The following ITGBL1 variants were observed in gnomAD, a reference collection of about 807,000 sequenced individuals.
The protein encoded by ITGBL1 is integrin beta-like protein 1.
Under a neutral mutation model 68.5 loss-of-function variants are expected in ITGBL1, and 51 were observed. That is an observed-to-expected ratio of 0.74 (90% CI 0.59 to 0.94). The LOEUF (loss-of-function observed/expected upper bound fraction) is 0.94. ITGBL1 is among the 40% of genes least tolerant of loss of function. The probability of loss-of-function intolerance (pLI) is 0.00; values close to 1 mark genes in which losing one functional copy is unlikely to be tolerated. For missense variants in ITGBL1, 649 were observed against 647.4 expected (o/e 1.00, Z -0.03); for synonymous variants, 209 against 227.3 (o/e 0.92, Z 0.72).
In ITGBL1 at chr13:101,686,759, C is replaced by T. The variant is rs541253780; in HGVS notation, c.1016-5826C>T. Among the ~76,000 whole-genome samples the T allele has an allele frequency of 5.9e-5, 9 of 151,930 alleles. No homozygotes were observed. In the East Asian group the frequency reaches 1.2e-3, roughly 20 times the overall value. ...AGGTGAAGTCTGGAAGGGCTTCAGA[C>T]GAATATTCAAGTGGCAACTATTTTA... On this transcript the variant is annotated intron_variant, in intron 7 of 10. Transcript: ENST00000376180.
Position 101,481,028 on chromosome 13 carries a change from G to GTA in ITGBL1, c.316+26929_316+26930insAT, listed in dbSNP as rs1312275341. Among the ~76,000 whole-genome samples, 58 of 149,652 alleles carry GTA rather than the reference G, an allele frequency of 3.9e-4. 1 individual carries two copies. The highest frequency in any genetic ancestry group is 1.3e-3 in the African/African-American group (52 of 40,510). On this transcript the variant is annotated intron_variant, in intron 2 of 10. Coordinates refer to ENST00000376180, the MANE Select transcript of ITGBL1 (RefSeq NM_004791.3). ...TGTGTGTGTGTGTGTGTGTGTGTGTGTGTGTGTGTACTCATATATGTGTAA... is the reference window on the plus strand; with the variant it reads ...TGTGTGTGTGTGTGTGTGTGTGTGTGTATGTGTGTGTACTCATATATGTGTAA...
At chr13:101,593,016 A>G (rs1020464493) in intron 6 of ITGBL1, among the ~76,000 whole-genome samples, 1 of 152,134 alleles carries the variant, frequency 6.6e-6, no homozygotes, top group African/African-American at 2.4e-5. Context: ...CAAACTATAT[A>G]TCTGACAAAG....
intron 7 of ITGBL1, among the ~76,000 whole-genome samples, chr13:101,686,165 T>A (rs1432350538): frequency 6.6e-6 from 1 of 152,142 alleles, no homozygotes; most frequent in Non-Finnish European, 1.5e-5. Context: ...TACTCATCTA[T>A]GTTTTGCCCG....
At chr13:101,530,271 A>G (rs1337111288) in intron 2 of ITGBL1, among the ~76,000 whole-genome samples, 1 of 151,946 alleles carries the variant, frequency 6.6e-6, no homozygotes, top group Non-Finnish European at 1.5e-5. Flanking sequence ...AGAGAGCGCG[A>G]GGGGAGAGAG....
At chr13:101,681,790 G>A (rs2033649164) in intron 7 of ITGBL1, among the ~76,000 whole-genome samples, 1 of 152,046 alleles carries the variant, frequency 6.6e-6, no homozygotes, top group African/African-American at 2.4e-5. Context: ...GGTGGTGTGT[G>A]TCTGTGTGTG....
chr13:101,601,478 C>T (rs1316733024), intron 7 of ITGBL1, among the ~76,000 whole-genome samples: 2 of 152,100 alleles, frequency 1.3e-5, no homozygotes, highest in African/African-American at 4.8e-5. Context: ...TTTCTGCTAG[C>T]TTTTGAGTGT....
chr13:101,689,084 A>C (rs2139546664), intron 7 of ITGBL1, among the ~76,000 whole-genome samples: 1 of 151,630 alleles, frequency 6.6e-6, no homozygotes, highest in East Asian at 2.0e-4. Context: ...GCATGCTTGC[A>C]ATCCGAGCTA....
chr13:101,646,316 TAAA>T (rs144094774), intron 7 of ITGBL1, among the ~76,000 whole-genome samples: 2 of 151,032 alleles, frequency 1.3e-5, no homozygotes, highest in African/African-American at 4.9e-5. Flanking sequence ...GTATTTCAGT[TAAA>T]AAAAAATCAT....
intron 7 of ITGBL1, among the ~76,000 whole-genome samples, chr13:101,618,124 C>T (rs749638160): frequency 2.6e-5 from 4 of 152,142 alleles, no homozygotes; most frequent in Admixed American, 1.3e-4. Flanking sequence ...GTTGAATCCA[C>T]GGACTTTGTT....
intron 7 of ITGBL1, among the ~76,000 whole-genome samples, chr13:101,690,255 CACAATGAAA>C (rs546693846): frequency 2.2e-3 from 335 of 152,248 alleles, no homozygotes; most frequent in African/African-American, 4.2e-3. Context: ...AGAAATTATC[CACAATGAAA>C]ACAACGGAAT....
chr13:101,629,832 T>C (rs1423545452), intron 7 of ITGBL1, among the ~76,000 whole-genome samples: 1 of 152,150 alleles, frequency 6.6e-6, no homozygotes, highest in Non-Finnish European at 1.5e-5. Context: ...ATTTATTCAT[T>C]TATTTTTTGA....
chr13:101,598,483 G>A (rs927422758), intron 7 of ITGBL1, among the ~76,000 whole-genome samples, 184 bp downstream of exon 7: 9 of 151,890 alleles, frequency 5.9e-5, no homozygotes, highest in African/African-American at 1.9e-4. Flanking sequence ...TGTGCGCAAT[G>A]TGCAGGTTTG....
At chr13:101,655,112 G>A (rs911241491) in intron 7 of ITGBL1, among the ~76,000 whole-genome samples, 5 of 152,160 alleles carry the variant, frequency 3.3e-5, no homozygotes, top group South Asian at 2.1e-4. Flanking sequence ...TGACTGAGGT[G>A]AAAGTGATGC....
intron 7 of ITGBL1, among the ~76,000 whole-genome samples, chr13:101,601,305 G>T (rs1420793998): frequency 6.6e-6 from 1 of 152,032 alleles, no homozygotes; most frequent in African/African-American, 2.4e-5. Context: ...TTTTTATTGA[G>T]TCTATTTGAT....
intron 7 of ITGBL1, 110 bp downstream of exon 7, chr13:101,598,409 G>A: frequency 1.1e-6 from 1 of 898,692 alleles, no homozygotes; most frequent in South Asian, 4.2e-5. Context: ...TCTGCTTTTT[G>A]GTTTTTTTGT....
intron 3 of ITGBL1, among the ~76,000 whole-genome samples, chr13:101,571,783 C>T (rs997355794): frequency 2.0e-5 from 3 of 152,090 alleles, no homozygotes; most frequent in Non-Finnish European, 2.9e-5. Flanking sequence ...TCTGCTTTTA[C>T]GACTCAACAT....
At chr13:101,512,844 T>A (rs965907715) in intron 2 of ITGBL1, among the ~76,000 whole-genome samples, 1 of 152,164 alleles carries the variant, frequency 6.6e-6, no homozygotes, top group Admixed American at 6.6e-5. Context: ...GAATATATTA[T>A]AACAGAATAA....
chr13:101,563,096 T>A (rs1007629629), intron 2 of ITGBL1, among the ~76,000 whole-genome samples: 2 of 151,302 alleles, frequency 1.3e-5, no homozygotes, highest in East Asian at 3.9e-4. Flanking sequence ...TAAAAATATT[T>A]AACTGAATGA....
chr13:101,490,325 T>C (rs2048758360), intron 2 of ITGBL1, among the ~76,000 whole-genome samples: 1 of 152,174 alleles, frequency 6.6e-6, no homozygotes. Context: ...GGCTTCCCAG[T>C]TTCCAGATCT....
Sources: allele counts gnomAD v4.1 joint callset (sites outside exome capture counted in the v4.1 genomes callset), GRCh38; gene constraint gnomAD v4.1.1; transcripts MANE v1.5; gene names NCBI Gene and HGNC (gene_info 2026-07-23, HGNC 2026-07-21).